Variants in HS3ST2 observed in about 807,000 individuals in gnomAD.
The protein encoded by HS3ST2 is heparan sulfate glucosamine 3-O-sulfotransferase 2.
A neutral mutation model predicts 26.3 loss-of-function variants in HS3ST2; 17 were observed. That is an observed-to-expected ratio of 0.65 (90% CI 0.44 to 0.97). The LOEUF is 0.97. Ranked by LOEUF, HS3ST2 falls within the 50% of genes least tolerant of loss-of-function variation. The pLI, the probability that HS3ST2 is intolerant of heterozygous loss-of-function variation, is 0.00. For missense variants in HS3ST2, 402 were observed against 501.2 expected (o/e 0.80, Z 1.89); for synonymous variants, 237 against 219.2 (o/e 1.08, Z -0.72).
chr16:22,890,213 G>A (rs1178293754), intron 1 of HS3ST2, among the ~76,000 whole-genome samples: 3 of 152,180 alleles, frequency 2.0e-5, no homozygotes. Context: ...TTGAAAAATG[G>A]GGAGATATGA....
At chr16:22,893,634 C>CTTTTTTTTTTTTTTTTTTTT (rs56664558) in intron 1 of HS3ST2, among the ~76,000 whole-genome samples, 3 of 130,264 alleles carry the variant, frequency 2.3e-5, no homozygotes, top group Non-Finnish European at 3.2e-5. Flanking sequence ...TTTTTCTTTT[C>CTTTTTTTTTTTTTTTTTTTT]TTTTTTTTTT....
chr16:22,882,939 G>T (rs1317245649), intron 1 of HS3ST2, among the ~76,000 whole-genome samples: 1 of 145,186 alleles, frequency 6.9e-6, no homozygotes, highest in Non-Finnish European at 1.5e-5. Flanking sequence ...GCTGAGGCAG[G>T]AAAATCGCTT....
At chr16:22,910,973 G>T (rs1902417910) in intron 1 of HS3ST2, among the ~76,000 whole-genome samples, 1 of 152,158 alleles carries the variant, frequency 6.6e-6, no homozygotes, top group Admixed American at 6.6e-5. Context: ...CTAGTGTCAT[G>T]GGTGACTAGC....
chr16:22,873,156 A>G (rs1171870105), intron 1 of HS3ST2, among the ~76,000 whole-genome samples: 3 of 152,236 alleles, frequency 2.0e-5, no homozygotes, highest in African/African-American at 7.2e-5. Context: ...CTGGAAGAGG[A>G]ATCCTGGGGT....
intron 1 of HS3ST2, among the ~76,000 whole-genome samples, chr16:22,830,552 T>C (rs1027722315): frequency 1.3e-5 from 2 of 152,206 alleles, no homozygotes; most frequent in African/African-American, 2.4e-5. Flanking sequence ...GCCTCAGAGA[T>C]GACACAATTC....
chr16:22,818,810 C>A (rs1380475049), intron 1 of HS3ST2, among the ~76,000 whole-genome samples: 1 of 18,236 alleles, frequency 5.5e-5, no homozygotes, highest in Non-Finnish European at 9.2e-5. Flanking sequence ...CCCTTCCTTC[C>A]TTCCTTCCTT....
rs948904053 is a variant in HS3ST2 at position 22,874,436 on chromosome 16, G to T, written c.486-40508G>T. On this transcript the variant is annotated intron_variant, in intron 1 of 1. Transcript: ENST00000261374. ...CTTCACTGGCAATTGCACTAACCAGGCTTCCAGCAAAGCCTAGACACCGCT... is the reference window on the plus strand; with the variant it reads ...CTTCACTGGCAATTGCACTAACCAGTCTTCCAGCAAAGCCTAGACACCGCT... 2.0e-4 allele frequency among the ~76,000 whole-genome samples: 31 copies of T among 152,238 alleles called. 1 individual carries two copies. The highest frequency in any genetic ancestry group is 7.2e-4 in the African/African-American group (30 of 41,544).
rs551949128 is a variant in HS3ST2 at position 22,902,386 on chromosome 16, CA to C, written c.486-12557del. ...TTTATTTCCTGCTTAGACAATAGTC[CA>C]GGGGTGTTGTTTTCTAGTTGTAGGT... On this transcript the variant is annotated intron_variant, in intron 1 of 1. Transcript: ENST00000261374. Among the ~76,000 whole-genome samples the C allele has an allele frequency of 4.3e-3, 651 of 152,216 alleles. 2 individuals are homozygous for C. Among genetic ancestry groups the C allele is most frequent in the Non-Finnish European group, 7.9e-3 (539 of 68,018 alleles).
At position 22,831,859 on chromosome 16, in the gene HS3ST2, AG is replaced by A. The variant is rs1425971405; in HGVS notation, c.485+16769del. 4.6e-5 allele frequency among the ~76,000 whole-genome samples: 7 copies of A among 152,304 alleles called. No homozygotes were observed. In the East Asian group the frequency reaches 1.4e-3, roughly 29 times the overall value. On this transcript the variant is annotated intron_variant, in intron 1 of 1. Coordinates refer to ENST00000261374, the MANE Select transcript of HS3ST2 (RefSeq NM_006043.2). Reference sequence around the variant, plus strand: ...TCTGGGTGCTCTGTAGGGACACCCAAGGGGGACTCTGTACCTGATTGTGGTG... The same window carrying A: ...TCTGGGTGCTCTGTAGGGACACCCAAGGGGACTCTGTACCTGATTGTGGTG...
rs1438096433 is a variant in HS3ST2 at position 22,897,761 on chromosome 16, G to A, written c.486-17183G>A. On this transcript the variant is annotated intron_variant, in intron 1 of 1. Transcript: ENST00000261374. ...CTTAGCTTCGCTATTCAGTACCTTG[G>A]GTCTTTGGGCGGGTTACTTCTCTGC... Among the ~76,000 whole-genome samples, 4 of 56,158 alleles carry A rather than the reference G, an allele frequency of 7.1e-5. 2 individuals are homozygous for A. Among genetic ancestry groups the A allele is most frequent in the African/African-American group, 3.4e-4 (4 of 11,732 alleles). 36.8% of individuals were successfully genotyped at this position (56,158 alleles called of 152,430 possible).
chr16:22,831,709 A>C (rs1901172924), intron 1 of HS3ST2, among the ~76,000 whole-genome samples: 1 of 152,146 alleles, frequency 6.6e-6, no homozygotes, highest in Non-Finnish European at 1.5e-5. Context: ...AAGAAAGGTT[A>C]TGCACTGTAT....
intron 1 of HS3ST2, among the ~76,000 whole-genome samples, chr16:22,880,306 A>G (rs1226960018): frequency 6.6e-6 from 1 of 152,170 alleles, no homozygotes; most frequent in Admixed American, 6.5e-5. Context: ...AGTCCCAGCT[A>G]CATGGGAGGC....
intron 1 of HS3ST2, among the ~76,000 whole-genome samples, chr16:22,855,449 G>A (rs1295258712): frequency 1.3e-5 from 2 of 152,176 alleles, no homozygotes; most frequent in Non-Finnish European, 2.9e-5. Flanking sequence ...GGCCCTGGCT[G>A]GCTGGCTGCT....
chr16:22,844,512 T>A (rs950324217), intron 1 of HS3ST2, among the ~76,000 whole-genome samples: 1 of 152,056 alleles, frequency 6.6e-6, no homozygotes, highest in Non-Finnish European at 1.5e-5. Flanking sequence ...CTGGGAGGGA[T>A]GTGGTTTGGA....
intron 1 of HS3ST2, among the ~76,000 whole-genome samples, chr16:22,895,122 C>T (rs1337935528): frequency 1.4e-5 from 2 of 147,718 alleles, no homozygotes; most frequent in Non-Finnish European, 3.0e-5. Flanking sequence ...GACAGTTTCG[C>T]TCTGTTGCCC....
chr16:22,862,787 T>A (rs150876869), intron 1 of HS3ST2, among the ~76,000 whole-genome samples: 269 of 152,276 alleles, frequency 1.8e-3, no homozygotes, highest in African/African-American at 6.3e-3. Flanking sequence ...GAGTGGAGGA[T>A]AAAGATTTGG....
At chr16:22,842,275 C>T (rs1901370246) in intron 1 of HS3ST2, among the ~76,000 whole-genome samples, 1 of 151,978 alleles carries the variant, frequency 6.6e-6, no homozygotes, top group African/African-American at 2.4e-5. Context: ...GTTGGTCAAG[C>T]TCGTCTCGAA....
chr16:22,859,347 T>A (rs1901645121), intron 1 of HS3ST2, among the ~76,000 whole-genome samples: 1 of 152,194 alleles, frequency 6.6e-6, no homozygotes, highest in Admixed American at 6.5e-5. Flanking sequence ...GCAAACTGCC[T>A]CTAATAATTT....
At chr16:22,842,691 C>T (rs1373199835) in intron 1 of HS3ST2, among the ~76,000 whole-genome samples, 3 of 152,136 alleles carry the variant, frequency 2.0e-5, no homozygotes, top group Non-Finnish European at 4.4e-5. Context: ...TCTCTACTTC[C>T]TCCTCCCAGA....
Sources: allele counts gnomAD v4.1 joint callset (sites outside exome capture counted in the v4.1 genomes callset), GRCh38; gene constraint gnomAD v4.1.1; transcripts MANE v1.5; gene names NCBI Gene and HGNC (gene_info 2026-07-23, HGNC 2026-07-21).